YAP1: variants seen among roughly 807,000 people sequenced by gnomAD.
YAP1 encodes transcriptional coactivator YAP1.
In YAP1, 5 loss-of-function variants were observed where a neutral mutation model predicts 56.9. The observed-to-expected ratio is 0.09, with a 90% confidence interval of 0.05 to 0.18. The LOEUF (loss-of-function observed/expected upper bound fraction) is 0.18. YAP1 is among the 10% of genes least tolerant of loss of function. YAP1 has a pLI of 1.00. For synonymous variants in YAP1, 265 were observed against 248.1 expected (o/e 1.07, Z -0.64); for missense variants, 539 against 651.8 (o/e 0.83, Z 1.88).
At chr11:102,155,765 A>T (rs1449576682) in intron 2 of YAP1, among the ~76,000 whole-genome samples, 2 of 152,226 alleles carry the variant, frequency 1.3e-5, no homozygotes, top group Non-Finnish European at 2.9e-5. Flanking sequence ...TGTTGTTAAC[A>T]GTTGAAAATT....
chr11:102,161,742 A>G (rs1946304084), intron 2 of YAP1, among the ~76,000 whole-genome samples: 1 of 152,210 alleles, frequency 6.6e-6, no homozygotes, highest in South Asian at 2.1e-4. Context: ...GCAAGTTTGT[A>G]TGTCAGATAA....
At chr11:102,113,473 A>G (rs1943090478) in intron 1 of YAP1, among the ~76,000 whole-genome samples, 1 of 152,206 alleles carries the variant, frequency 6.6e-6, no homozygotes, top group Admixed American at 6.5e-5. Flanking sequence ...GATGTGTGTG[A>G]GTTCTTAAGT....
Position 102,230,009 on chromosome 11 carries a change from T to G in YAP1, c.*69T>G. ...GAGACACATGCACCGGAAATTTCCA[T>G]AAGCCAGTTGCAGTTTTCAGGCTAA... On this transcript the variant is annotated 3_prime_UTR_variant, in exon 9 of 9. Transcript: ENST00000282441. 1 of 1,363,954 alleles carries G rather than the reference T, an allele frequency of 7.3e-7. No individual in the cohort carries two copies. The highest frequency in any genetic ancestry group is 1.0e-6 in the Non-Finnish European group (1 of 969,168). The allele number at this position is 1,363,954 out of a possible 1,614,324, so 84.5% of individuals were successfully genotyped here.
intron 3 of YAP1, among the ~76,000 whole-genome samples, chr11:102,171,516 A>G (rs1319970754): frequency 2.0e-5 from 3 of 152,232 alleles, no homozygotes; most frequent in African/African-American, 7.2e-5. Flanking sequence ...TCTGAAGTCT[A>G]AGTGTGCTAT....
intron 2 of YAP1, among the ~76,000 whole-genome samples, chr11:102,122,368 T>C (rs11606471): frequency 0.37 from 55,879 of 150,912 alleles, 10,574 homozygotes; most frequent in Admixed American, 0.44. Context: ...GAGGTTGCAG[T>C]GAGCCAACAT....
intron 2 of YAP1, among the ~76,000 whole-genome samples, chr11:102,144,902 T>A (rs928072799): frequency 2.0e-5 from 3 of 151,396 alleles, no homozygotes; most frequent in African/African-American, 2.4e-5. Context: ...GCTCACACAC[T>A]CATGCTCACA....
In YAP1 at chr11:102,186,108, A is replaced by T; in HGVS notation, c.779A>T (p.Asp260Val). The T allele has an allele frequency of 6.2e-7, 1 of 1,613,026 alleles. No homozygotes were observed. The highest frequency in any genetic ancestry group is 1.1e-5 in the South Asian group (1 of 90,956). ...NHKNKTTSWL[D>V]PRLDPRFAMN... ...AAGAACAAGACCACCTCTTGGCTAG[A>T]CCCAAGGCTTGACCCTCGTTTTGGT... Residue 260 changes from aspartate (D) to valine (V), a missense_variant, in exon 4 of 9, where the codon GAC becomes GTC. By Grantham distance (152) the Asp-to-Val change is radical. Transcript: ENST00000282441.
Position 102,181,736 on chromosome 11 carries a change from A to C in YAP1, c.689-4282A>C, listed in dbSNP as rs80008629. 3.8e-3 allele frequency among the ~76,000 whole-genome samples: 578 copies of C among 152,352 alleles called. 2 individuals carry two copies. Among genetic ancestry groups the C allele is most frequent in the African/African-American group, 0.013 (556 of 41,584 alleles). ...ATTGATCTCCAAACTGCCTAAAATG[A>C]ATAGATGTGGTTGTGTATAACTCAG... is the stretch of plus-strand genomic sequence containing the variant. On this transcript the variant is annotated intron_variant, in intron 3 of 8. Transcript: ENST00000282441.
At chr11:102,146,931 C>T (rs1158161764) in intron 2 of YAP1, among the ~76,000 whole-genome samples, 1 of 152,182 alleles carries the variant, frequency 6.6e-6, no homozygotes, top group Non-Finnish European at 1.5e-5. Context: ...ATTTCAAGGG[C>T]ATGATTTGTT....
intron 6 of YAP1, 140 bp from the exon 7 acceptor site, chr11:102,223,482 G>C (rs1423830469): frequency 4.4e-6 from 4 of 909,518 alleles, no homozygotes; most frequent in Non-Finnish European, 6.5e-6. Context: ...AGGTCATTCT[G>C]ATTGGGAAAT....
intron 3 of YAP1, among the ~76,000 whole-genome samples, chr11:102,168,614 G>A (rs1315957804): frequency 6.6e-6 from 1 of 152,200 alleles, no homozygotes; most frequent in African/African-American, 2.4e-5. Context: ...CAAGATGGGT[G>A]GAGAAAATGC....
At chr11:102,167,536 C>T (rs1946676867) in intron 3 of YAP1, among the ~76,000 whole-genome samples, 1 of 151,978 alleles carries the variant, frequency 6.6e-6, no homozygotes, top group Non-Finnish European at 1.5e-5. Flanking sequence ...AGATTGAGAC[C>T]ACCCTGGCCA....
chr11:102,198,349 A>C (rs1948676701), intron 4 of YAP1, among the ~76,000 whole-genome samples: 1 of 152,206 alleles, frequency 6.6e-6, no homozygotes, highest in Non-Finnish European at 1.5e-5. Flanking sequence ...AATTCTGGGA[A>C]ACTGGTGAGA....
chr11:102,122,375 A>G (rs1017075140), intron 2 of YAP1, among the ~76,000 whole-genome samples: 7 of 151,932 alleles, frequency 4.6e-5, no homozygotes, highest in Non-Finnish European at 7.4e-5. Context: ...CAGTGAGCCA[A>G]CATCACGCCA....
intron 2 of YAP1, among the ~76,000 whole-genome samples, chr11:102,147,143 C>T (rs530569764): frequency 1.3e-5 from 2 of 152,282 alleles, no homozygotes; most frequent in South Asian, 2.1e-4. Flanking sequence ...AGGATTCTAG[C>T]TCTGTTAATC....
intron 3 of YAP1, among the ~76,000 whole-genome samples, chr11:102,182,444 A>G (rs1262803621): frequency 6.6e-6 from 1 of 152,152 alleles, no homozygotes; most frequent in Non-Finnish European, 1.5e-5. Context: ...CATTTTCACT[A>G]AGTGTAATTT....
At chr11:102,144,622 A>T (rs1433192782) in intron 2 of YAP1, among the ~76,000 whole-genome samples, 1 of 152,178 alleles carries the variant, frequency 6.6e-6, no homozygotes. Context: ...GTGTGCTTGT[A>T]GATTGTTCAC....
intron 2 of YAP1, among the ~76,000 whole-genome samples, chr11:102,116,696 A>T (rs901748878): frequency 6.6e-6 from 1 of 152,196 alleles, no homozygotes; most frequent in African/African-American, 2.4e-5. Context: ...GAGAGATAAG[A>T]CATGATTGTT....
In YAP1 at chr11:102,162,499, A is replaced by C; in HGVS notation, c.616A>C (p.Met206Leu). The C allele has an allele frequency of 1.2e-6, 2 of 1,614,244 alleles. No individual in the cohort carries two copies. The highest frequency in any genetic ancestry group is 2.2e-5 in the South Asian group (2 of 91,084). ...AACATGGCAGGACCCCAGGAAGGCC[A>C]TGCTGTCCCAGATGAACGTCACAGC... ...TTTWQDPRKA[M>L]LSQMNVTAPT... The change falls in exon 3 of 9, where the codon ATG (methionine) becomes CTG (leucine). Residue 206 changes from methionine to leucine, a missense_variant. Met to Leu is a conservative substitution (Grantham distance 15). Coordinates refer to ENST00000282441, the MANE Select transcript of YAP1 (RefSeq NM_001130145.3).
Sources: allele counts gnomAD v4.1 joint callset (sites outside exome capture counted in the v4.1 genomes callset), GRCh38; gene constraint gnomAD v4.1.1; transcripts MANE v1.5; gene names NCBI Gene and HGNC (gene_info 2026-07-23, HGNC 2026-07-21).